Variants in GSK3B observed in about 807,000 individuals in gnomAD.
GSK3B encodes glycogen synthase kinase-3 beta.
Under a neutral mutation model 56.4 loss-of-function variants are expected in GSK3B, and 15 were observed. The observed-to-expected ratio is 0.27, with a 90% CI of 0.18 to 0.41. The LOEUF (loss-of-function observed/expected upper bound fraction) is 0.41. Ranked by LOEUF, GSK3B falls within the 10% of genes least tolerant of loss-of-function variation. The probability of loss-of-function intolerance (pLI) is 1.00; values close to 1 mark genes in which losing one functional copy is unlikely to be tolerated. For missense variants in GSK3B, 300 were observed against 513.4 expected (o/e 0.58, Z 4.02); for synonymous variants, 181 against 188.9 (o/e 0.96, Z 0.34).
At chr3:119,984,585 A>G (rs1045517560) in intron 2 of GSK3B, among the ~76,000 whole-genome samples, 1 of 152,146 alleles carries the variant, frequency 6.6e-6, no homozygotes, top group African/African-American at 2.4e-5. Context: ...TACTATAAAC[A>G]CCTCTATGCA....
chr3:120,002,813 T>C (rs1450743239), intron 1 of GSK3B, among the ~76,000 whole-genome samples: 8 of 152,164 alleles, frequency 5.3e-5, no homozygotes, highest in Non-Finnish European at 8.8e-5. Flanking sequence ...TCCCATATTA[T>C]AGGTAATAGG....
At chr3:119,918,275 A>G (rs755913773) in intron 4 of GSK3B, among the ~76,000 whole-genome samples, 6 of 151,646 alleles carry the variant, frequency 4.0e-5, no homozygotes, top group Admixed American at 2.6e-4. Context: ...GTTCGAGACC[A>G]CCCTGGGGGC....
chr3:120,028,159 ATGAC>A (rs1465413700), intron 1 of GSK3B, among the ~76,000 whole-genome samples: 33 of 152,130 alleles, frequency 2.2e-4, no homozygotes, highest in African/African-American at 8.0e-4. Context: ...TGGCTAGAGC[ATGAC>A]TGACTGGGAT....
chr3:120,093,327 A>G lies in GSK3B; in HGVS notation c.88+20T>C. ...TAAGGGCGAGGTGGAAAAGGGGTGTAAAATAAAACCAATACTCACTGCTAA... is the reference window on the plus strand; with the variant it reads ...TAAGGGCGAGGTGGAAAAGGGGTGTGAAATAAAACCAATACTCACTGCTAA... On this transcript the variant is annotated intron_variant, in intron 1 of 10. Coordinates refer to ENST00000264235, the MANE Select transcript of GSK3B (RefSeq NM_001146156.2). The G allele has an allele frequency of 6.5e-7, 1 of 1,533,268 alleles. No individual in the cohort carries two copies. Among genetic ancestry groups the G allele is most frequent in the Non-Finnish European group, 9.0e-7 (1 of 1,107,198 alleles). 95.0% of individuals were successfully genotyped at this position (1,533,268 alleles called of 1,614,324 possible). A position where few individuals can be genotyped will look rare whatever the true frequency, so the allele number is the denominator to read the frequency against.
At chr3:120,025,535 A>G (rs1576279725) in intron 1 of GSK3B, among the ~76,000 whole-genome samples, 1 of 152,250 alleles carries the variant, frequency 6.6e-6, no homozygotes, top group East Asian at 1.9e-4. Flanking sequence ...ATGATCCAAT[A>G]TAAGGATAAT....
intron 10 of GSK3B, among the ~76,000 whole-genome samples, chr3:119,836,902 G>C (rs1300820473): frequency 6.6e-6 from 1 of 152,104 alleles, no homozygotes; most frequent in African/African-American, 2.4e-5. Flanking sequence ...CTTGGATGGA[G>C]GTAAAAAACT....
intron 2 of GSK3B, among the ~76,000 whole-genome samples, chr3:119,964,083 A>G (rs1200767762): frequency 1.3e-5 from 2 of 152,194 alleles, no homozygotes; most frequent in Non-Finnish European, 2.9e-5. Context: ...TATGGAATGG[A>G]AGAAAATATT....
At chr3:120,044,990 T>C (rs1306859986) in intron 1 of GSK3B, among the ~76,000 whole-genome samples, 4 of 152,194 alleles carry the variant, frequency 2.6e-5, no homozygotes, top group East Asian at 1.9e-4. Context: ...TGAAAAGAAA[T>C]CGTGGCCTCA....
chr3:120,074,648 C>T (rs2058354751), intron 1 of GSK3B, among the ~76,000 whole-genome samples: 1 of 151,974 alleles, frequency 6.6e-6, no homozygotes, highest in Non-Finnish European at 1.5e-5. Context: ...TACATGCCAA[C>T]AAATGTGATA....
chr3:119,980,002 G>A (rs79090463), intron 2 of GSK3B, among the ~76,000 whole-genome samples: 1 of 151,502 alleles, frequency 6.6e-6, no homozygotes, highest in African/African-American at 2.4e-5. Context: ...AAAAAAAAAC[G>A]TTATAGCTAC....
At chr3:120,015,176 T>A (rs1437650445) in intron 1 of GSK3B, among the ~76,000 whole-genome samples, 1 of 152,202 alleles carries the variant, frequency 6.6e-6, no homozygotes, top group East Asian at 1.9e-4. Flanking sequence ...TGCCACTTAG[T>A]GGGTGCTCAA....
chr3:119,862,086 CTTCT>C (rs145112919), intron 9 of GSK3B, among the ~76,000 whole-genome samples: 3,890 of 151,166 alleles, frequency 0.026, 168 homozygotes, highest in African/African-American at 0.088. Context: ...AAATAAAAGT[CTTCT>C]TTTTTTTTTT....
chr3:119,917,673 A>G (rs5028245), intron 4 of GSK3B, among the ~76,000 whole-genome samples: 19,166 of 145,068 alleles, frequency 0.13, 1,670 homozygotes, highest in African/African-American at 0.26. Flanking sequence ...TTTTTTTTTA[A>G]AAAAAAAAAG....
intron 1 of GSK3B, among the ~76,000 whole-genome samples, chr3:120,055,291 T>C (rs1055805992): frequency 6.6e-6 from 1 of 152,148 alleles, no homozygotes; most frequent in African/African-American, 2.4e-5. Context: ...TCAAAAAGAA[T>C]ATAATTTATT....
chr3:119,902,633 G>A (rs1435652552), intron 7 of GSK3B, among the ~76,000 whole-genome samples: 1 of 152,178 alleles, frequency 6.6e-6, no homozygotes. Flanking sequence ...TTGACCTCAA[G>A]TGATCTGCGC....
chr3:120,010,756 CTAAATAAATAAA>C (rs575769812), intron 1 of GSK3B, among the ~76,000 whole-genome samples: 2 of 151,610 alleles, frequency 1.3e-5, no homozygotes, highest in African/African-American at 2.4e-5. Context: ...GACCCTGTCT[CTAAATAAATAAA>C]TAAATAAATA....
chr3:120,017,909 T>C (rs1487376509), intron 1 of GSK3B, among the ~76,000 whole-genome samples: 2 of 152,204 alleles, frequency 1.3e-5, no homozygotes, highest in East Asian at 3.8e-4. Context: ...GTCACCAAAA[T>C]AAATACCTCT....
intron 1 of GSK3B, among the ~76,000 whole-genome samples, chr3:120,081,923 G>A (rs955516450): frequency 3.9e-5 from 6 of 152,178 alleles, no homozygotes; most frequent in Admixed American, 2.0e-4. Flanking sequence ...TAAAGAGGTG[G>A]CATTTGAGAC....
At chr3:119,852,006 ACTGCTTCT>A (rs2055937180) in intron 9 of GSK3B, among the ~76,000 whole-genome samples, 1 of 152,206 alleles carries the variant, frequency 6.6e-6, no homozygotes, top group South Asian at 2.1e-4. Context: ...CCACATCATA[ACTGCTTCT>A]CTCCTTGGTA....
Sources: allele counts gnomAD v4.1 joint callset (sites outside exome capture counted in the v4.1 genomes callset), GRCh38; gene constraint gnomAD v4.1.1; transcripts MANE v1.5; gene names NCBI Gene and HGNC (gene_info 2026-07-23, HGNC 2026-07-21).